Variants in ARHGAP15 observed in about 807,000 individuals in gnomAD.
ARHGAP15 encodes rho GTPase-activating protein 15.
In ARHGAP15, 51 loss-of-function variants were observed where a neutral mutation model predicts 63.7. The observed-to-expected ratio is 0.80, with a 90% confidence interval of 0.64 to 1.01. ARHGAP15 has a LOEUF of 1.01. Ranked by LOEUF, ARHGAP15 falls within the 50% of genes least tolerant of loss-of-function variation. The probability of loss-of-function intolerance (pLI) is 0.00; values close to 1 mark genes in which losing one functional copy is unlikely to be tolerated. For synonymous variants in ARHGAP15, 191 were observed against 193.8 expected (o/e 0.99, Z 0.12); for missense variants, 560 against 564.6 (o/e 0.99, Z 0.08).
chr2:143,514,665 T>C lies in ARHGAP15; in HGVS notation c.827-4601T>C, dbSNP rs141172168. Among the ~76,000 whole-genome samples the C allele has an allele frequency of 1.9e-3, 290 of 152,292 alleles. 4 individuals are homozygous for C. The highest frequency in any genetic ancestry group is 6.7e-3 in the African/African-American group (277 of 41,550). ...TCTCAGTGGCATATAACACCGAGCA[T>C]CTATTTCTCATGTGTCTGTGGTGCA... On this transcript the variant is annotated intron_variant, in intron 9 of 13. Transcript: ENST00000295095.
At chr2:143,195,257 T>C (rs1458471528) in intron 2 of ARHGAP15, among the ~76,000 whole-genome samples, 1 of 152,048 alleles carries the variant, frequency 6.6e-6, no homozygotes, top group Non-Finnish European at 1.5e-5. Flanking sequence ...GAATGTCCAC[T>C]ATGGCAATTG....
intron 6 of ARHGAP15, among the ~76,000 whole-genome samples, chr2:143,342,828 A>G (rs1235313326): frequency 2.0e-5 from 3 of 152,014 alleles, no homozygotes. Flanking sequence ...CTCCTTAGTG[A>G]GCTGTTCCCT....
At chr2:143,419,653 T>C (rs1179646502) in intron 6 of ARHGAP15, among the ~76,000 whole-genome samples, 2 of 141,154 alleles carry the variant, frequency 1.4e-5, no homozygotes, top group South Asian at 2.3e-4. Flanking sequence ...TATATATATA[T>C]ATACAAACAC....
intron 11 of ARHGAP15, among the ~76,000 whole-genome samples, chr2:143,591,612 T>TTTTTTTTTTTTTTG (rs1697321201): frequency 1.8e-5 from 1 of 56,632 alleles, no homozygotes; most frequent in Non-Finnish European, 4.2e-5. Flanking sequence ...TTTTTGTTTG[T>TTTTTTTTTTTTTTG]TCTTTTTTTT....
rs1044613232 is a variant in ARHGAP15, at chr2:143,289,487, TTGTC to T, written c.474+38891_474+38894del. ...CTCATGTGAGTATTAAGTATACACT[TTGTC>T]TGTTCGATGAATTTCAAATCTTTGT... On this transcript the variant is annotated intron_variant, in intron 6 of 13. Coordinates refer to ENST00000295095, the MANE Select transcript of ARHGAP15 (RefSeq NM_018460.4). Among the ~76,000 whole-genome samples, 11 of 152,284 alleles carry T rather than the reference TTGTC, an allele frequency of 7.2e-5. No homozygotes were observed. The East Asian group carries it at 9.6e-4, about 13-fold the overall frequency.
At chr2:143,163,661 G>T (rs1180985296) in intron 2 of ARHGAP15, among the ~76,000 whole-genome samples, 1 of 151,986 alleles carries the variant, frequency 6.6e-6, no homozygotes, top group Non-Finnish European at 1.5e-5. Context: ...TCATTCTATT[G>T]CCAAGAATGT....
chr2:143,334,344 AAG>A (rs1684680099), intron 6 of ARHGAP15, among the ~76,000 whole-genome samples: 1 of 152,210 alleles, frequency 6.6e-6, no homozygotes, highest in African/African-American at 2.4e-5. Context: ...AGTGTTCAAA[AAG>A]AGAATAGCTA....
At chr2:143,403,605 A>G (rs1558947960) in intron 6 of ARHGAP15, among the ~76,000 whole-genome samples, 1 of 151,928 alleles carries the variant, frequency 6.6e-6, no homozygotes, top group African/African-American at 2.4e-5. Context: ...AAATTGCATA[A>G]TACATAATAA....
intron 12 of ARHGAP15, among the ~76,000 whole-genome samples, chr2:143,628,044 T>G (rs773695338): frequency 1.3e-5 from 2 of 152,050 alleles, no homozygotes; most frequent in Non-Finnish European, 2.9e-5. Flanking sequence ...GTGTACCCAG[T>G]GTTCAGCTCC....
intron 6 of ARHGAP15, among the ~76,000 whole-genome samples, chr2:143,406,194 T>G (rs1688191943): frequency 6.6e-6 from 1 of 151,978 alleles, no homozygotes. Flanking sequence ...GTTTGTATTT[T>G]GATCGTAGAA....
At chr2:143,134,811 G>A (rs1689070129) in intron 1 of ARHGAP15, among the ~76,000 whole-genome samples, 1 of 147,952 alleles carries the variant, frequency 6.8e-6, no homozygotes, top group Non-Finnish European at 1.5e-5. Context: ...ATTTTTTTTT[G>A]TATTTTTAGT....
rs1360751079 is a variant in ARHGAP15, at chr2:143,239,618, G to A, written c.385-10893G>A. Among the ~76,000 whole-genome samples, 4 of 152,192 alleles carry A rather than the reference G, an allele frequency of 2.6e-5. No homozygotes were observed. The South Asian group carries it at 6.2e-4, about 24-fold the overall frequency. ...GCCATAACCTTGAAAGCAAAAATGG[G>A]CAACATAAAAGGCCTCATTAAAATA... On this transcript the variant is annotated intron_variant, in intron 5 of 13. Coordinates refer to ENST00000295095, the MANE Select transcript of ARHGAP15 (RefSeq NM_018460.4).
chr2:143,422,198 T>C (rs1221911507), intron 6 of ARHGAP15, among the ~76,000 whole-genome samples: 1 of 152,086 alleles, frequency 6.6e-6, no homozygotes, highest in Non-Finnish European at 1.5e-5. Flanking sequence ...ACAAACCCAA[T>C]ACTGGTTCTC....
At chr2:143,256,091 G>GAT (rs1680410831) in intron 6 of ARHGAP15, among the ~76,000 whole-genome samples, 1 of 152,092 alleles carries the variant, frequency 6.6e-6, no homozygotes, top group East Asian at 1.9e-4. Context: ...GGAAATAAGA[G>GAT]ATGACAGTCC....
chr2:143,295,243 T>G (rs1035621555), intron 6 of ARHGAP15, among the ~76,000 whole-genome samples: 5 of 152,006 alleles, frequency 3.3e-5, no homozygotes, highest in African/African-American at 1.2e-4. Flanking sequence ...GAAAGAAACT[T>G]TCTCTAATTA....
At chr2:143,356,937 G>A (rs750771038) in intron 6 of ARHGAP15, among the ~76,000 whole-genome samples, 3 of 152,120 alleles carry the variant, frequency 2.0e-5, no homozygotes, top group Non-Finnish European at 2.9e-5. Context: ...TTATTAGCAC[G>A]CTGGTGCAGT....
chr2:143,312,126 T>C (rs1228740575), intron 6 of ARHGAP15, among the ~76,000 whole-genome samples: 1 of 152,140 alleles, frequency 6.6e-6, no homozygotes, highest in African/African-American at 2.4e-5. Context: ...TATACAGAGA[T>C]TGTGGTTTAG....
chr2:143,240,470 G>C (rs1693823446), intron 5 of ARHGAP15, among the ~76,000 whole-genome samples: 1 of 152,042 alleles, frequency 6.6e-6, no homozygotes, highest in Non-Finnish European at 1.5e-5. Context: ...AGTGAGTATT[G>C]AGCCCTTATT....
chr2:143,137,105 A>G (rs1448785708), intron 1 of ARHGAP15, among the ~76,000 whole-genome samples: 1 of 151,932 alleles, frequency 6.6e-6, no homozygotes, highest in East Asian at 1.9e-4. Context: ...ATTAGATTCA[A>G]TCTCCTTTCA....
Sources: gnomAD v4.1 joint callset for allele counts (sites outside exome capture counted in the v4.1 genomes callset) on GRCh38, gnomAD v4.1.1 for gene constraint, MANE v1.5 for transcripts, NCBI Gene and HGNC (gene_info 2026-07-23, HGNC 2026-07-21) for gene names.